Variants in SPTLC3 observed in about 807,000 individuals in gnomAD.
The protein encoded by SPTLC3 is serine palmitoyltransferase long chain base subunit 3, also known as serine palmitoyltransferase 3.
Under a neutral mutation model 59.3 loss-of-function variants are expected in SPTLC3, and 36 were observed. The observed-to-expected ratio is 0.61, with a 90% CI of 0.47 to 0.80. The LOEUF (loss-of-function observed/expected upper bound fraction) is 0.80. SPTLC3 is among the 30% of genes least tolerant of loss of function. SPTLC3 has a pLI of 0.00. For missense variants in SPTLC3, 625 were observed against 685.1 expected (o/e 0.91, Z 0.98); for synonymous variants, 257 against 240.8 (o/e 1.07, Z -0.62).
chr20:13,026,541 T>C (rs1231922993), intron 1 of SPTLC3, among the ~76,000 whole-genome samples: 1 of 152,206 alleles, frequency 6.6e-6, no homozygotes, highest in Non-Finnish European at 1.5e-5. Context: ...AAGTGTCTGT[T>C]CGTGTCCTCG....
At chr20:13,058,542 T>C (rs1987820575) in intron 2 of SPTLC3, among the ~76,000 whole-genome samples, 1 of 152,194 alleles carries the variant, frequency 6.6e-6, no homozygotes, top group Non-Finnish European at 1.5e-5. Context: ...GATATCCTGA[T>C]TTAATTGCTT....
chr20:13,016,720 CTG>C (rs1157606984), intron 1 of SPTLC3, among the ~76,000 whole-genome samples: 2 of 152,112 alleles, frequency 1.3e-5, no homozygotes, highest in Non-Finnish European at 2.9e-5. Flanking sequence ...TATGCTTTCA[CTG>C]TGACTAAAGA....
Position 13,010,052 on chromosome 20 carries a change from TTC to T in SPTLC3, c.117+669_117+670del, listed in dbSNP as rs1491035139. 2.4e-3 allele frequency among the ~76,000 whole-genome samples: 330 copies of T among 140,282 alleles called. 3 individuals carry two copies. The highest frequency in any genetic ancestry group is 8.2e-4 in the Non-Finnish European group (52 of 63,764). 92.0% of individuals were successfully genotyped at this position (140,282 alleles called of 152,430 possible). On this transcript the variant is annotated intron_variant, in intron 1 of 11. Coordinates refer to ENST00000399002, the MANE Select transcript of SPTLC3 (RefSeq NM_018327.4). ...TTCCAACTTGACACTTTTTTTTTTT[TTC>T]ACTCTTATTGCACCGGGATGTTTGC...
intron 10 of SPTLC3, among the ~76,000 whole-genome samples, chr20:13,156,107 T>C (rs2038763019): frequency 6.6e-6 from 1 of 152,130 alleles, no homozygotes; most frequent in African/African-American, 2.4e-5. Flanking sequence ...TTCAAAATGA[T>C]TGGGGAAATG....
intron 9 of SPTLC3, among the ~76,000 whole-genome samples, chr20:13,144,100 C>T (rs2038450034): frequency 6.6e-6 from 1 of 152,160 alleles, no homozygotes. Flanking sequence ...TGATCTAACT[C>T]TACTGATCTT....
chr20:13,031,214 A>G (rs1986429309), intron 1 of SPTLC3, among the ~76,000 whole-genome samples: 1 of 152,194 alleles, frequency 6.6e-6, no homozygotes, highest in Non-Finnish European at 1.5e-5. Flanking sequence ...TGCTCTATAA[A>G]TGTCCTGTCC....
chr20:13,011,116 A>C (rs528192631), intron 1 of SPTLC3, among the ~76,000 whole-genome samples: 1 of 152,256 alleles, frequency 6.6e-6, no homozygotes, highest in Admixed American at 6.5e-5. Context: ...ATGGCTTAAA[A>C]AATATTTTTC....
intron 10 of SPTLC3, among the ~76,000 whole-genome samples, chr20:13,158,513 C>T (rs1431275871): frequency 6.6e-6 from 1 of 152,152 alleles, no homozygotes; most frequent in Non-Finnish European, 1.5e-5. Flanking sequence ...GATCATGGGT[C>T]AGGTGGTTTG....
chr20:13,126,747 T>A (rs756152223), intron 9 of SPTLC3, 30 bp downstream of exon 9: 1 of 1,611,698 alleles, frequency 6.2e-7, no homozygotes, highest in African/African-American at 1.3e-5. Flanking sequence ...GCACAGCTCC[T>A]GGACCTCTCT....
chr20:13,080,489 C>A (rs8121607), intron 4 of SPTLC3, among the ~76,000 whole-genome samples: 39,056 of 130,588 alleles, frequency 0.3, 5,476 homozygotes, highest in Middle Eastern at 0.4. Flanking sequence ...GCCTCATGAC[C>A]GAGTGAAAAT....
intron 1 of SPTLC3, among the ~76,000 whole-genome samples, chr20:13,039,061 T>C (rs934624757): frequency 1.3e-5 from 2 of 152,128 alleles, no homozygotes; most frequent in African/African-American, 4.8e-5. Flanking sequence ...AGCTGCAGAA[T>C]GTTCCATATG....
chr20:13,031,469 A>G (rs919677871), intron 1 of SPTLC3, among the ~76,000 whole-genome samples: 1 of 152,206 alleles, frequency 6.6e-6, no homozygotes, highest in African/African-American at 2.4e-5. Flanking sequence ...GGTGCTCAAT[A>G]TATAATTTTG....
At chr20:13,019,701 T>TA (rs1210507908) in intron 1 of SPTLC3, among the ~76,000 whole-genome samples, 1 of 151,902 alleles carries the variant, frequency 6.6e-6, no homozygotes, top group Non-Finnish European at 1.5e-5. Flanking sequence ...TCAGATTTCA[T>TA]AGTCAGTGGT....
At chr20:13,056,447 A>G (rs1181155553) in intron 2 of SPTLC3, among the ~76,000 whole-genome samples, 2 of 113,398 alleles carry the variant, frequency 1.8e-5, no homozygotes, top group Non-Finnish European at 3.3e-5. Flanking sequence ...CTGACGCTTT[A>G]ACTTTTTTTC....
At chr20:13,135,929 C>T (rs183016050) in intron 9 of SPTLC3, among the ~76,000 whole-genome samples, 37 of 152,208 alleles carry the variant, frequency 2.4e-4, no homozygotes, top group African/African-American at 8.2e-4. Flanking sequence ...TGGATGAAAA[C>T]GTGATTCATT....
intron 6 of SPTLC3, among the ~76,000 whole-genome samples, chr20:13,094,443 G>A (rs74621385): frequency 0.064 from 9,801 of 152,056 alleles, 347 homozygotes; most frequent in South Asian, 0.1. Flanking sequence ...ACACAAATTT[G>A]TTTTCTCTTT....
intron 1 of SPTLC3, among the ~76,000 whole-genome samples, chr20:13,023,911 T>A (rs1165168287): frequency 6.6e-6 from 1 of 152,204 alleles, no homozygotes; most frequent in African/African-American, 2.4e-5. Context: ...GGAAAATGAC[T>A]AATCTCCCAA....
intron 4 of SPTLC3, among the ~76,000 whole-genome samples, chr20:13,080,291 C>T (rs1437985524): frequency 1.3e-5 from 2 of 151,964 alleles, no homozygotes; most frequent in Non-Finnish European, 2.9e-5. Context: ...AGGCGGATCA[C>T]GAGGTCAAGA....
At chr20:13,058,174 G>T (rs952502977) in intron 2 of SPTLC3, among the ~76,000 whole-genome samples, 3 of 151,666 alleles carry the variant, frequency 2.0e-5, no homozygotes, top group African/African-American at 7.3e-5. Flanking sequence ...AAAATTTTAG[G>T]ACAAATATCT....
Sources: allele counts gnomAD v4.1 joint callset (sites outside exome capture counted in the v4.1 genomes callset), GRCh38; gene constraint gnomAD v4.1.1; transcripts MANE v1.5; gene names NCBI Gene and HGNC (gene_info 2026-07-23, HGNC 2026-07-21).